The following ENOX1 variants were observed in gnomAD, a reference collection of about 807,000 sequenced individuals.
ENOX1 encodes the protein candidate growth-related and time keeping constitutive hydroquinone (NADH) oxidase.
In ENOX1, 42 loss-of-function variants were observed where a neutral mutation model predicts 82.5. The ratio of observed to expected loss-of-function variants is 0.51; its 90% CI spans 0.40 to 0.66. The LOEUF is 0.66. Ranked by LOEUF, ENOX1 falls within the 30% of genes least tolerant of loss-of-function variation. ENOX1 has a pLI of 0.00. For missense variants in ENOX1, 608 were observed against 811.6 expected, an observed-to-expected ratio of 0.75 and a Z score of 3.05; for synonymous variants, 271 against 282.2, an observed-to-expected ratio of 0.96 and a Z score of 0.40.
intron 5 of ENOX1, among the ~76,000 whole-genome samples, chr13:43,402,977 G>C (rs1465491321): frequency 6.6e-6 from 1 of 152,022 alleles, no homozygotes; most frequent in Non-Finnish European, 1.5e-5. Context: ...TACTCCAGAG[G>C]AAATCAAGAA....
chr13:43,362,397 G>A (rs531610174), intron 5 of ENOX1, among the ~76,000 whole-genome samples: 1 of 152,244 alleles, frequency 6.6e-6, no homozygotes, highest in East Asian at 1.9e-4. Flanking sequence ...AGTCTCATGG[G>A]TGGCGTGAAA....
chr13:43,348,167 C>T (rs1308917244), intron 8 of ENOX1, among the ~76,000 whole-genome samples: 7 of 152,178 alleles, frequency 4.6e-5, no homozygotes, highest in South Asian at 4.1e-4. Context: ...CAAGATTCAG[C>T]GTAAGTGCCC....
rs190841077 is a variant in ENOX1, at chr13:43,304,400, G to T, written c.1262-5870C>A. Among the ~76,000 whole-genome samples the T allele has an allele frequency of 3.3e-4, 51 of 152,308 alleles. No individual in the cohort carries two copies. In the East Asian group the frequency reaches 9.3e-3, roughly 28 times the overall value. ...AGGTTGCTGGTTGGAGGTAAAAGGT[G>T]TGGCTCTAGGACTATATTCCTCCAT... On this transcript the variant is annotated intron_variant, in intron 11 of 16. Coordinates refer to ENST00000690772, the MANE Select transcript of ENOX1 (RefSeq NM_001347969.2).
chr13:43,672,578 G>A (rs1181935127), intron 1 of ENOX1, among the ~76,000 whole-genome samples: 8 of 152,088 alleles, frequency 5.3e-5, no homozygotes, highest in Non-Finnish European at 1.0e-4. Flanking sequence ...TAGGTTGAAT[G>A]AGGAAAAGAT....
chr13:43,482,742 C>T (rs1033846610), intron 3 of ENOX1, among the ~76,000 whole-genome samples: 1 of 152,006 alleles, frequency 6.6e-6, no homozygotes, highest in African/African-American at 2.4e-5. Flanking sequence ...AGACAGTTCA[C>T]GCAGAATCTT....
chr13:43,724,388 T>C (rs2088793354), intron 1 of ENOX1, among the ~76,000 whole-genome samples: 2 of 152,222 alleles, frequency 1.3e-5, no homozygotes, highest in South Asian at 4.1e-4. Flanking sequence ...CTTCTCTTTG[T>C]GTCTACATTT....
intron 16 of ENOX1, among the ~76,000 whole-genome samples, chr13:43,220,820 C>A (rs2041747723): frequency 6.6e-6 from 1 of 152,166 alleles, no homozygotes; most frequent in Non-Finnish European, 1.5e-5. Context: ...AGGAGAACCC[C>A]AGAATATGCA....
rs570147612 is a variant in ENOX1 at position 43,654,037 on chromosome 13, G to T, written c.-219+13442C>A. Among the ~76,000 whole-genome samples the T allele has an allele frequency of 1.0e-3, 157 of 152,264 alleles. 1 individual carries two copies. The South Asian group carries it at 0.019, about 19-fold the overall frequency. Reference sequence around the variant, plus strand: ...ATGGCAAAATCATCTGAGTCAACCTGGCTGGGCTAGAGTGCTCAGTTCTTA... The same window carrying T: ...ATGGCAAAATCATCTGAGTCAACCTTGCTGGGCTAGAGTGCTCAGTTCTTA... On this transcript the variant is annotated intron_variant, in intron 2 of 16. Coordinates refer to ENST00000690772, the MANE Select transcript of ENOX1 (RefSeq NM_001347969.2).
intron 11 of ENOX1, among the ~76,000 whole-genome samples, chr13:43,308,714 C>T (rs1437430212): frequency 1.3e-5 from 2 of 152,182 alleles, no homozygotes; most frequent in Non-Finnish European, 2.9e-5. Flanking sequence ...CATTAACCTG[C>T]GGCCATTGGT....
chr13:43,372,776 A>G (rs921953537), intron 5 of ENOX1, among the ~76,000 whole-genome samples: 1 of 152,188 alleles, frequency 6.6e-6, no homozygotes, highest in African/African-American at 2.4e-5. Flanking sequence ...AAATACAGGA[A>G]CTGTAGATTC....
intron 3 of ENOX1, among the ~76,000 whole-genome samples, chr13:43,465,899 G>T (rs569401891): frequency 6.6e-5 from 10 of 151,930 alleles, no homozygotes; most frequent in African/African-American, 2.2e-4. Context: ...TCAGTATTTG[G>T]GTCTTCTTTT....
intron 15 of ENOX1, among the ~76,000 whole-genome samples, chr13:43,233,305 T>C (rs2042372576): frequency 6.6e-6 from 1 of 152,230 alleles, no homozygotes; most frequent in Non-Finnish European, 1.5e-5. Flanking sequence ...GGGCCTGTCT[T>C]CTTTAGTTGA....
intron 2 of ENOX1, among the ~76,000 whole-genome samples, chr13:43,648,452 GAAAAT>G (rs2084002764): frequency 1.3e-5 from 2 of 152,258 alleles, no homozygotes; most frequent in African/African-American, 2.4e-5. Context: ...GTGCTGTGAA[GAAAAT>G]AAAATAAGAT....
intron 1 of ENOX1, among the ~76,000 whole-genome samples, chr13:43,761,721 G>C (rs1447260142): frequency 6.6e-6 from 1 of 152,140 alleles, no homozygotes; most frequent in Non-Finnish European, 1.5e-5. Context: ...ACATTTTAAA[G>C]TGCTCACCAT....
At chr13:43,567,848 T>C (rs948839835) in intron 2 of ENOX1, among the ~76,000 whole-genome samples, 1 of 152,236 alleles carries the variant, frequency 6.6e-6, no homozygotes, top group Non-Finnish European at 1.5e-5. Flanking sequence ...AGCTTGATAT[T>C]TGTTGAATTG....
intron 1 of ENOX1, among the ~76,000 whole-genome samples, chr13:43,754,707 C>G (rs1950554145): frequency 6.6e-6 from 1 of 151,990 alleles, no homozygotes; most frequent in South Asian, 2.1e-4. Context: ...GCCTCAGTCT[C>G]CTGAGTAGCT....
chr13:43,633,091 C>G (rs958554182), intron 2 of ENOX1, among the ~76,000 whole-genome samples: 10 of 152,140 alleles, frequency 6.6e-5, no homozygotes, highest in African/African-American at 2.4e-4. Context: ...AAATGAACTT[C>G]AGAGTCAACA....
chr13:43,628,844 G>A (rs2083084242), intron 2 of ENOX1, among the ~76,000 whole-genome samples: 1 of 152,180 alleles, frequency 6.6e-6, no homozygotes, highest in Non-Finnish European at 1.5e-5. Flanking sequence ...TGACACCCAA[G>A]TGGGAATTTA....
intron 2 of ENOX1, among the ~76,000 whole-genome samples, chr13:43,664,661 G>C (rs1304997211): frequency 6.6e-6 from 1 of 152,182 alleles, no homozygotes; most frequent in Non-Finnish European, 1.5e-5. Flanking sequence ...GAGAGTTCAT[G>C]TGAAAAGTTA....
Sources: allele counts gnomAD v4.1 joint callset (sites outside exome capture counted in the v4.1 genomes callset), GRCh38; gene constraint gnomAD v4.1.1; transcripts MANE v1.5; gene names NCBI Gene and HGNC (gene_info 2026-07-23, HGNC 2026-07-21).